Variants in SDK1 observed in about 807,000 individuals in gnomAD.
SDK1 encodes the protein protein sidekick-1.
In SDK1, 157 loss-of-function variants were observed where a neutral mutation model predicts 245.5. The ratio of observed to expected loss-of-function variants is 0.64; its 90% confidence interval spans 0.56 to 0.73. The LOEUF (loss-of-function observed/expected upper bound fraction) is 0.73. SDK1 is among the 30% of genes least tolerant of loss of function. SDK1 has a pLI of 0.00. For synonymous variants in SDK1, 1,647 were observed against 1,278.5 expected, an observed-to-expected ratio of 1.29 and a Z score of -6.15; for missense variants, 3,583 against 3,002.3, an observed-to-expected ratio of 1.19 and a Z score of -4.52.
At chr7:3,660,854 A>G (rs1231422233) in intron 4 of SDK1, among the ~76,000 whole-genome samples, 2 of 152,244 alleles carry the variant, frequency 1.3e-5, no homozygotes, top group Non-Finnish European at 2.9e-5. Flanking sequence ...TCTTCAATCT[A>G]GACTTGCCCA....
chr7:3,691,505 C>G (rs1784436316), intron 4 of SDK1, among the ~76,000 whole-genome samples: 2 of 152,178 alleles, frequency 1.3e-5, no homozygotes, highest in Non-Finnish European at 2.9e-5. Context: ...AAGTAGGATA[C>G]TCTCTCCCCT....
chr7:3,923,679 C>T (rs1184894280), intron 5 of SDK1, among the ~76,000 whole-genome samples: 4 of 152,230 alleles, frequency 2.6e-5, no homozygotes, highest in African/African-American at 7.2e-5. Flanking sequence ...ACTGGGCTTC[C>T]AGCCACAGCA....
Position 3,723,919 on chromosome 7 carries a change from TACACGTATATATATATATATATATAGAG to T in SDK1, c.713+81816_713+81843del, listed in dbSNP as rs1562397675. 9.1e-5 allele frequency among the ~76,000 whole-genome samples: 12 copies of T among 131,610 alleles called. 1 individual carries two copies. The highest frequency in any genetic ancestry group is 3.0e-4 in the Admixed American group (4 of 13,250). 86.3% of individuals were successfully genotyped at this position (131,610 alleles called of 152,430 possible). A position where few individuals can be genotyped will look rare whatever the true frequency, so the allele number is the denominator to read the frequency against. On this transcript the variant is annotated intron_variant, in intron 4 of 44. Transcript: ENST00000404826. ...GTGTATATACACGTACATATATATATACACGTATATATATATATATATATAGAGAGAGAGAGAGAGAGAGAGAGAGAGA... is the reference window on the plus strand; with the variant it reads ...GTGTATATACACGTACATATATATATAGAGAGAGAGAGAGAGAGAGAGAGA...
chr7:3,343,950 A>G (rs1329460833), intron 1 of SDK1, among the ~76,000 whole-genome samples: 1 of 151,998 alleles, frequency 6.6e-6, no homozygotes, highest in Non-Finnish European at 1.5e-5. Context: ...TTGATAAAAG[A>G]CATTTATGAA....
intron 1 of SDK1, among the ~76,000 whole-genome samples, chr7:3,572,595 G>A (rs1235481161): frequency 1.3e-5 from 2 of 151,996 alleles, no homozygotes; most frequent in African/African-American, 4.8e-5. Flanking sequence ...CCAATGCATG[G>A]TGGCTTCTAT....
intron 1 of SDK1, among the ~76,000 whole-genome samples, chr7:3,475,895 C>G (rs1781335182): frequency 6.6e-6 from 1 of 152,094 alleles, no homozygotes; most frequent in Non-Finnish European, 1.5e-5. Context: ...GATTCCTGCC[C>G]AAACCATTAA....
chr7:3,700,101 G>A (rs1432474452), intron 4 of SDK1, among the ~76,000 whole-genome samples: 4 of 152,150 alleles, frequency 2.6e-5, no homozygotes, highest in Admixed American at 1.3e-4. Flanking sequence ...TAAAGCTGGT[G>A]AAACTATCCT....
intron 1 of SDK1, among the ~76,000 whole-genome samples, chr7:3,567,477 T>G (rs1350805504): frequency 6.6e-6 from 1 of 152,198 alleles, no homozygotes; most frequent in East Asian, 1.9e-4. Context: ...TGTCTTGACG[T>G]TTAGACTAAG....
chr7:4,000,497 C>T lies in SDK1; in HGVS notation c.2132-10469C>T, dbSNP rs17134146. 5.9e-5 allele frequency among the ~76,000 whole-genome samples: 9 copies of T among 152,156 alleles called. 1 individual carries two copies. Among genetic ancestry groups the T allele is most frequent in the South Asian group, 4.1e-4 (2 of 4,826 alleles). On this transcript the variant is annotated intron_variant, in intron 14 of 44. Transcript: ENST00000404826. ...GGTTCTTCCTCCACAAAGAGAATCT[C>T]TGAGCTGCACGGCTGGGTTGGTTCT...
chr7:3,473,553 T>G (rs1781248575), intron 1 of SDK1, among the ~76,000 whole-genome samples: 1 of 152,224 alleles, frequency 6.6e-6, no homozygotes, highest in Non-Finnish European at 1.5e-5. Context: ...TCTTGCAGTA[T>G]GTGGGACGTT....
intron 5 of SDK1, among the ~76,000 whole-genome samples, chr7:3,840,398 T>A (rs1780127316): frequency 6.6e-6 from 1 of 152,164 alleles, no homozygotes; most frequent in South Asian, 2.1e-4. Flanking sequence ...GAAAATCACC[T>A]GGGCTGGGTC....
chr7:4,094,167 C>T (rs1781991230), intron 22 of SDK1, among the ~76,000 whole-genome samples: 1 of 152,170 alleles, frequency 6.6e-6, no homozygotes, highest in South Asian at 2.1e-4. Flanking sequence ...AGCGATTCTC[C>T]TGCCTCAGCC....
chr7:3,696,394 A>G (rs1441900404), intron 4 of SDK1, among the ~76,000 whole-genome samples: 2 of 152,130 alleles, frequency 1.3e-5, no homozygotes, highest in South Asian at 2.1e-4. Context: ...GAGCAGTGGC[A>G]AGGAATGATT....
intron 1 of SDK1, among the ~76,000 whole-genome samples, chr7:3,517,048 T>G (rs574136892): frequency 6.6e-6 from 1 of 152,254 alleles, no homozygotes; most frequent in South Asian, 2.1e-4. Flanking sequence ...CATTCCTGAT[T>G]TTTCTCTGTA....
intron 1 of SDK1, among the ~76,000 whole-genome samples, chr7:3,352,686 A>G (rs1780691676): frequency 6.6e-6 from 1 of 151,874 alleles, no homozygotes; most frequent in Non-Finnish European, 1.5e-5. Flanking sequence ...ATTCCTTCCC[A>G]TTTCCATTCC....
chr7:3,383,272 G>A (rs1781534021), intron 1 of SDK1, among the ~76,000 whole-genome samples: 1 of 152,106 alleles, frequency 6.6e-6, no homozygotes, highest in Non-Finnish European at 1.5e-5. Context: ...TTAGCCTGGT[G>A]TGGTGGCATG....
At chr7:3,890,790 A>T (rs1781440084) in intron 5 of SDK1, among the ~76,000 whole-genome samples, 1 of 152,156 alleles carries the variant, frequency 6.6e-6, no homozygotes, top group African/African-American at 2.4e-5. Context: ...AAAAATACAA[A>T]AATTAGCCAG....
chr7:3,838,514 C>G (rs1273945849), intron 5 of SDK1, among the ~76,000 whole-genome samples: 1 of 152,246 alleles, frequency 6.6e-6, no homozygotes, highest in African/African-American at 2.4e-5. Flanking sequence ...AGGTGCCTCT[C>G]TGTTCACAGA....
intron 4 of SDK1, among the ~76,000 whole-genome samples, chr7:3,785,352 CCAT>C (rs1268339548): frequency 6.6e-6 from 1 of 151,934 alleles, no homozygotes; most frequent in African/African-American, 2.4e-5. Context: ...AAAGTTCTCA[CCAT>C]AAGAATCATT....
Sources: gnomAD v4.1 joint callset for allele counts (sites outside exome capture counted in the v4.1 genomes callset) on GRCh38, gnomAD v4.1.1 for gene constraint, MANE v1.5 for transcripts, NCBI Gene and HGNC (gene_info 2026-07-23, HGNC 2026-07-21) for gene names.